Variants in CHD8 observed in about 807,000 individuals in gnomAD.
CHD8 encodes the protein chromodomain helicase DNA binding protein 8, also known as ATP-dependent chromatin remodeler CHD8.
Under a neutral mutation model 279.2 loss-of-function variants are expected in CHD8, and 31 were observed. The ratio of observed to expected loss-of-function variants is 0.11; its 90% CI spans 0.08 to 0.15. The LOEUF (loss-of-function observed/expected upper bound fraction) is 0.15, where lower values mean the gene tolerates loss of function less well. Among genes scored for constraint, CHD8 ranks in the 10% least tolerant of loss-of-function variants. The probability of loss-of-function intolerance (pLI) is 1.00; values close to 1 mark genes in which losing one functional copy is unlikely to be tolerated. For synonymous variants in CHD8, 1,081 were observed against 1,139.6 expected (o/e 0.95, Z 1.04); for missense variants, 2,146 against 3,230.5 (o/e 0.66, Z 8.14).
At chr14:21,447,470 C>G (rs1890155570) in intron 1 of CHD8, among the ~76,000 whole-genome samples, 1 of 151,462 alleles carries the variant, frequency 6.6e-6, no homozygotes, top group South Asian at 2.1e-4. Context: ...CTCCAGAGTT[C>G]AAGTTATTCT....
Position 21,394,299 on chromosome 14 carries a change from G to A in CHD8, c.5577C>T (p.Arg1859=), listed in dbSNP as rs1312467553. 1 of 1,613,948 alleles carries A rather than the reference G, an allele frequency of 6.2e-7. No individual in the cohort carries two copies. The change falls in exon 31 of 38, where the codon CGC becomes CGT. Residue 1859 remains arginine, a synonymous_variant. Coordinates refer to ENST00000646647, the MANE Select transcript of CHD8 (RefSeq NM_001170629.2). ...GFVAMCRQVC[R]LPPAAGDEPP... is the part of the protein sequence containing the mutation. The stretch of plus-strand genomic sequence containing the variant: ...TACCATCTCCAGCTGCTGGGGGAAG[G>A]CGGCATACTTGGCGGCACATGGCCA...
rs57687361 is a variant in CHD8, at chr14:21,406,735, C to A, written c.2907+121G>T. 1,174 of 814,198 alleles carry A rather than the reference C, an allele frequency of 1.4e-3. 10 individuals are homozygous for A. The African/African-American group carries it at 0.019, about 13-fold the overall frequency. The allele number at this position is 814,198 out of a possible 1,614,324, so 50.4% of individuals were successfully genotyped here. ...TCAGGTTACCATTCCCATAGGTCAT[C>A]CCCACTGTTCAATACCACGATTCAG... On this transcript the variant is annotated intron_variant, in intron 14 of 37. Transcript: ENST00000646647.
chr14:21,412,562 T>C (rs1888547819), intron 10 of CHD8, among the ~76,000 whole-genome samples: 1 of 152,188 alleles, frequency 6.6e-6, no homozygotes, highest in South Asian at 2.1e-4. Context: ...GAAGTATTTT[T>C]ATATTCACAA....
Position 21,393,649 on chromosome 14 carries a change from T to C in CHD8, c.6146A>G (p.Asp2049Gly). 1 of 1,613,960 alleles carries C rather than the reference T, an allele frequency of 6.2e-7. No individual in the cohort carries two copies. Among genetic ancestry groups the C allele is most frequent in the Non-Finnish European group, 8.5e-7 (1 of 1,179,898 alleles). Residue 2049 changes from aspartate (D) to glycine (G), a missense_variant, in exon 32 of 38, where the codon GAT (aspartate) becomes GGT (glycine). Asp to Gly is a moderately conservative substitution (Grantham distance 94). Transcript: ENST00000646647. ...QDYEMRVSPS[D>G]TTPLVSRSVP... ...ACTCCGGGAAACCAGAGGGGTAGTA[T>C]CAGAGGGGGATACTCGCATCTCATA...
intron 1 of CHD8, among the ~76,000 whole-genome samples, chr14:21,440,090 T>G (rs1284292893): frequency 6.6e-6 from 1 of 152,050 alleles, no homozygotes; most frequent in Non-Finnish European, 1.5e-5. Flanking sequence ...GGGTAAAGAG[T>G]AGGCAGTATG....
intron 1 of CHD8, among the ~76,000 whole-genome samples, chr14:21,443,084 T>C (rs1027797576): frequency 1.3e-5 from 2 of 152,130 alleles, no homozygotes; most frequent in South Asian, 2.1e-4. Flanking sequence ...CTAAACACTA[T>C]GCAGGATAAA....
Position 21,394,418 on chromosome 14 carries a change from C to G in CHD8, c.5458G>C (p.Asp1820His). 6.2e-7 allele frequency: 1 copy of G among 1,613,662 alleles called. No homozygotes were observed. The highest frequency in any genetic ancestry group is 1.3e-5 in the African/African-American group (1 of 75,002). ...CGATCCCAATGGAACTGCATGGTGT[C>G]AGGGTCATATTCCACACCAAACGTA... ...VSTFGVEYDPDTMQFHWDRFR... is the reference protein window; with the variant it reads ...VSTFGVEYDPHTMQFHWDRFR... Residue 1820 changes from aspartate (D) to histidine (H), a missense_variant, in exon 31 of 38, where the codon GAC becomes CAC. Asp to His is a moderately conservative substitution (Grantham distance 81, BLOSUM62 -1). Coordinates refer to ENST00000646647, the MANE Select transcript of CHD8 (RefSeq NM_001170629.2).
At chr14:21,414,494 A>G in intron 8 of CHD8, 76 bp from the exon 9 acceptor site, 1 of 749,322 alleles carries the variant, frequency 1.3e-6, no homozygotes, top group Non-Finnish European at 2.3e-6. Context: ...TTTTGGGATT[A>G]GTCAGAAGCA....
chr14:21,426,258 C>A lies in CHD8; in HGVS notation c.1602-16G>T, dbSNP rs1489668512. The A allele has an allele frequency of 3.7e-6, 5 of 1,353,420 alleles. No individual in the cohort carries two copies. The highest frequency in any genetic ancestry group is 4.1e-5 in the Admixed American group (2 of 48,758). 83.8% of individuals were successfully genotyped at this position (1,353,420 alleles called of 1,614,324 possible). ...AGTGATGGTGCTAAAAAGGAAAAAC[C>A]AAATTCATTTTCAGTGAAAGCAAAG... On this transcript the variant is annotated splice_polypyrimidine_tract_variant and intron_variant, in intron 4 of 37. Coordinates refer to ENST00000646647, the MANE Select transcript of CHD8 (RefSeq NM_001170629.2).
Position 21,399,704 on chromosome 14 carries a change from C to G in CHD8, c.4819G>C (p.Glu1607Gln). Reference sequence around the variant, plus strand: ...ACTACTGGGAACCATATGTCAATCTCACTAAAGGTATAAGAGGGCAGAGTC... The same window carrying G: ...ACTACTGGGAACCATATGTCAATCTGACTAAAGGTATAAGAGGGCAGAGTC... ...EKVLGGAIASEIDIWFPVVDQ... is the reference protein window; with the variant it reads ...EKVLGGAIASQIDIWFPVVDQ... The change falls in exon 26 of 38, where the codon GAG (glutamate) becomes CAG (glutamine). Residue 1607 changes from glutamate to glutamine, a missense_variant and splice_region_variant. Transcript: ENST00000646647. The G allele has an allele frequency of 6.2e-7, 1 of 1,604,582 alleles. No homozygotes were observed. The highest frequency in any genetic ancestry group is 8.5e-7 in the Non-Finnish European group (1 of 1,171,432).
chr14:21,441,310 T>A (rs1889954547), intron 1 of CHD8, among the ~76,000 whole-genome samples: 1 of 152,200 alleles, frequency 6.6e-6, no homozygotes, highest in Non-Finnish European at 1.5e-5. Context: ...CCATTACTTT[T>A]TTGAGCCATT....
At position 21,408,834 on chromosome 14, in the gene CHD8, C is replaced by T; in HGVS notation, c.2365-9G>A. 6.2e-7 allele frequency: 1 copy of T among 1,602,602 alleles called. No individual in the cohort carries two copies. The highest frequency in any genetic ancestry group is 8.5e-7 in the Non-Finnish European group (1 of 1,174,068). On this transcript the variant is annotated splice_polypyrimidine_tract_variant and intron_variant, in intron 11 of 37. Transcript: ENST00000646647. The surrounding 1 kb of genome is among the most constrained non-coding windows in gnomAD (Gnocchi z 4.3). ...CTTGCCTGCGGACGATTCTAAAAAA[C>T]AAGACGTTTGAATAAATGGAGTGGA...
In CHD8 at chr14:21,409,997, G is replaced by A. The variant is rs751810213; in HGVS notation, c.2227-9C>T. 1.3e-6 allele frequency: 2 copies of A among 1,598,468 alleles called. No homozygotes were observed. The highest frequency in any genetic ancestry group is 1.7e-6 in the Non-Finnish European group (2 of 1,172,784). ...AGGTAGTAAATAACGGGCTAGGAGA[G>A]AAGAAACCAAAGCCTTAAGAAACTG... On this transcript the variant is annotated splice_polypyrimidine_tract_variant and intron_variant, in intron 10 of 37. Coordinates refer to ENST00000646647, the MANE Select transcript of CHD8 (RefSeq NM_001170629.2).
chr14:21,413,432 T>C (rs908631198), intron 9 of CHD8, among the ~76,000 whole-genome samples: 7 of 151,488 alleles, frequency 4.6e-5, no homozygotes, highest in African/African-American at 1.7e-4. Flanking sequence ...CCTTGCTCTG[T>C]CATCCAGGCT....
At chr14:21,411,505 T>TC (rs1312171322) in intron 10 of CHD8, among the ~76,000 whole-genome samples, 1 of 151,984 alleles carries the variant, frequency 6.6e-6, no homozygotes, top group East Asian at 1.9e-4. Flanking sequence ...CTTGAAAAAG[T>TC]CATGAAAAAG....
chr14:21,403,578 T>TGAAC lies in CHD8; in HGVS notation c.3389_3392dup (p.Ala1132PhefsTer9). Reference sequence around the variant, plus strand: ...TGTCAATAAGAACCAGTTTGCCGGCTGAACGAACCATGGCCTGCAGGTGAA... The same window carrying TGAAC: ...TGTCAATAAGAACCAGTTTGCCGGCTGAACGAACGAACCATGGCCTGCAGGTGAA... On this transcript the variant is annotated frameshift_variant, in exon 17 of 38. Coordinates refer to ENST00000646647, the MANE Select transcript of CHD8 (RefSeq NM_001170629.2). LOFTEE classifies it high-confidence loss of function. The surrounding 1 kb of genome is among the most constrained non-coding windows in gnomAD (Gnocchi z 4.3). The TGAAC allele has an allele frequency of 6.2e-7, 1 of 1,612,718 alleles. No homozygotes were observed. The highest frequency in any genetic ancestry group is 1.7e-5 in the Admixed American group (1 of 59,826).
chr14:21,433,810 C>A (rs1889661642), intron 1 of CHD8, among the ~76,000 whole-genome samples: 1 of 152,140 alleles, frequency 6.6e-6, no homozygotes, highest in South Asian at 2.1e-4. Context: ...CCTCTCATAT[C>A]TAATATTTGC....
Position 21,408,698 on chromosome 14 carries a change from C to G in CHD8, c.2486+6G>C. 1 of 1,609,054 alleles carries G rather than the reference C, an allele frequency of 6.2e-7. No homozygotes were observed. The highest frequency in any genetic ancestry group is 8.5e-7 in the Non-Finnish European group (1 of 1,177,686). On this transcript the variant is annotated splice_donor_region_variant and intron_variant, in intron 12 of 37. Coordinates refer to ENST00000646647, the MANE Select transcript of CHD8 (RefSeq NM_001170629.2). The surrounding 1 kb of genome is among the most constrained non-coding windows in gnomAD (Gnocchi z 4.3). Reference sequence around the variant, plus strand: ...CTTACATCTTATGGCCCATTCTTTCCTTTACCTGTTATACCAATTAAAGAG... The same window carrying G: ...CTTACATCTTATGGCCCATTCTTTCGTTTACCTGTTATACCAATTAAAGAG...
At chr14:21,443,207 C>T (rs138126720) in intron 1 of CHD8, among the ~76,000 whole-genome samples, 1,834 of 151,754 alleles carry the variant, frequency 0.012, 38 homozygotes, top group African/African-American at 0.043. Flanking sequence ...CTGGCTAACA[C>T]GGTGAAACTC....
Sources: gnomAD v4.1 joint callset for allele counts (sites outside exome capture counted in the v4.1 genomes callset) on GRCh38, gnomAD v4.1.1 for gene constraint, Gnocchi (gnomAD v3.1) non-coding constraint, MANE v1.5 for transcripts, NCBI Gene and HGNC (gene_info 2026-07-23, HGNC 2026-07-21) for gene names.